The following CWC27 variants were observed in gnomAD, a reference collection of about 807,000 sequenced individuals.
CWC27 encodes CWC27 spliceosome associated cyclophilin, also known as spliceosome-associated protein CWC27 homolog.
CWC27 carries 47 observed loss-of-function variants against 63.6 expected under a neutral mutation model. The ratio of observed to expected loss-of-function variants is 0.74; its 90% confidence interval spans 0.58 to 0.94. The LOEUF (loss-of-function observed/expected upper bound fraction) is 0.94. CWC27 is among the 40% of genes least tolerant of loss of function. The pLI is 0.00. For synonymous variants in CWC27, 175 were observed against 179.8 expected (o/e 0.97, Z 0.22); for missense variants, 495 against 554.3 (o/e 0.89, Z 1.07).
chr5:65,004,909 T>TAC (rs61613608), intron 13 of CWC27, among the ~76,000 whole-genome samples: 8,020 of 64,602 alleles, frequency 0.12, 860 homozygotes, highest in Middle Eastern at 0.21. Context: ...TATATATACA[T>TAC]ACACACACAC....
At chr5:64,957,940 T>A (rs1459435534) in intron 11 of CWC27, among the ~76,000 whole-genome samples, 1 of 152,178 alleles carries the variant, frequency 6.6e-6, no homozygotes, top group Non-Finnish European at 1.5e-5. Flanking sequence ...ATTTTTAGTA[T>A]AATACTTTGT....
chr5:64,916,461 T>C (rs1269746923), intron 11 of CWC27, among the ~76,000 whole-genome samples: 1 of 152,132 alleles, frequency 6.6e-6, no homozygotes, highest in African/African-American at 2.4e-5. Flanking sequence ...AGCCATAGGA[T>C]GGGATACTTA....
chr5:64,856,462 G>GTGTGCA (rs1746261024), intron 10 of CWC27, among the ~76,000 whole-genome samples: 1 of 116,950 alleles, frequency 8.6e-6, no homozygotes, highest in South Asian at 2.7e-4. Flanking sequence ...GTGTATGTGT[G>GTGTGCA]TGTGTATGTG....
chr5:64,818,825 C>T (rs1179972699), intron 10 of CWC27, among the ~76,000 whole-genome samples: 2 of 152,162 alleles, frequency 1.3e-5, no homozygotes, highest in Non-Finnish European at 2.9e-5. Flanking sequence ...TGGCTTTATA[C>T]TCATTCTCAG....
At chr5:64,967,368 A>G (rs1302630513) in intron 11 of CWC27, among the ~76,000 whole-genome samples, 2 of 152,050 alleles carry the variant, frequency 1.3e-5, no homozygotes, top group Admixed American at 6.5e-5. Flanking sequence ...TAATTTATAC[A>G]TTCAATGCAG....
chr5:64,906,029 G>T (rs963234296), intron 11 of CWC27, among the ~76,000 whole-genome samples: 2 of 151,954 alleles, frequency 1.3e-5, no homozygotes, highest in Non-Finnish European at 2.9e-5. Context: ...TTATGGCTGC[G>T]TAGTATTCCA....
intron 11 of CWC27, among the ~76,000 whole-genome samples, chr5:64,905,801 T>C (rs1747624147): frequency 6.6e-6 from 1 of 152,116 alleles, no homozygotes; most frequent in Non-Finnish European, 1.5e-5. Context: ...TTATGTTAGA[T>C]ATTTCTCCTA....
intron 4 of CWC27, among the ~76,000 whole-genome samples, chr5:64,784,831 GC>G (rs1561404876): frequency 2.0e-5 from 3 of 152,184 alleles, no homozygotes; most frequent in Non-Finnish European, 4.4e-5. Context: ...ATTCTTTTGA[GC>G]CACTCCAGCA....
At chr5:64,774,057 G>T (rs879382338) in intron 1 of CWC27, among the ~76,000 whole-genome samples, 9 of 152,058 alleles carry the variant, frequency 5.9e-5, no homozygotes, top group Non-Finnish European at 1.3e-4. Flanking sequence ...AATTTAATGG[G>T]TTCATTATTC....
intron 11 of CWC27, among the ~76,000 whole-genome samples, chr5:64,891,530 AAAGT>A (rs1327351209): frequency 6.6e-6 from 1 of 152,230 alleles, no homozygotes; most frequent in Non-Finnish European, 1.5e-5. Context: ...ATCTTTTGGT[AAAGT>A]AAGAGATGAT....
At chr5:64,999,492 C>T (rs1749694073) in intron 13 of CWC27, among the ~76,000 whole-genome samples, 1 of 152,062 alleles carries the variant, frequency 6.6e-6, no homozygotes, top group Non-Finnish European at 1.5e-5. Flanking sequence ...ATCCTCTCCA[C>T]ACCACCCTTC....
Position 64,883,089 on chromosome 5 carries a change from G to A in CWC27, c.939-2354G>A, listed in dbSNP as rs777470053. Reference sequence around the variant, plus strand: ...TCATGGTGGAAGACATCTCTTCACAGGGTGACAGGAGAGAGAATGAGTGCC... The same window carrying A: ...TCATGGTGGAAGACATCTCTTCACAAGGTGACAGGAGAGAGAATGAGTGCC... On this transcript the variant is annotated intron_variant, in intron 10 of 13. Transcript: ENST00000381070. Among the ~76,000 whole-genome samples the A allele has an allele frequency of 7.2e-5, 11 of 152,150 alleles. 1 individual carries two copies. The South Asian group carries it at 1.0e-3, about 14-fold the overall frequency.
At chr5:64,825,730 G>T (rs922466792) in intron 10 of CWC27, among the ~76,000 whole-genome samples, 1 of 152,084 alleles carries the variant, frequency 6.6e-6, no homozygotes, top group African/African-American at 2.4e-5. Context: ...TGTTAGGATG[G>T]TTGGTTTTGT....
At chr5:64,875,849 G>A (rs1269244268) in intron 10 of CWC27, among the ~76,000 whole-genome samples, 1 of 152,080 alleles carries the variant, frequency 6.6e-6, no homozygotes, top group Non-Finnish European at 1.5e-5. Flanking sequence ...AGTGGTAGTG[G>A]TGGAGGTGAA....
At chr5:64,829,104 C>G (rs906092549) in intron 10 of CWC27, among the ~76,000 whole-genome samples, 2 of 152,146 alleles carry the variant, frequency 1.3e-5, no homozygotes, top group Non-Finnish European at 2.9e-5. Flanking sequence ...TGTATTATAA[C>G]AGGATAGTTA....
chr5:64,944,857 T>C (rs1273306667), intron 11 of CWC27, among the ~76,000 whole-genome samples: 3 of 152,182 alleles, frequency 2.0e-5, no homozygotes, highest in African/African-American at 7.2e-5. Flanking sequence ...TGGCAGATCT[T>C]GTCACTCTTT....
chr5:64,881,460 A>G (rs1226345896), intron 10 of CWC27, among the ~76,000 whole-genome samples: 1 of 152,156 alleles, frequency 6.6e-6, no homozygotes, highest in East Asian at 1.9e-4. Flanking sequence ...TTCATTTATA[A>G]TAAATAATAA....
chr5:64,825,279 A>G (rs991082212), intron 10 of CWC27, among the ~76,000 whole-genome samples: 2 of 152,118 alleles, frequency 1.3e-5, no homozygotes, highest in Non-Finnish European at 1.5e-5. Flanking sequence ...CTCTTCCCCA[A>G]CTATTTGACA....
chr5:64,951,074 T>C (rs1748698475), intron 11 of CWC27, among the ~76,000 whole-genome samples: 1 of 151,956 alleles, frequency 6.6e-6, no homozygotes. Flanking sequence ...AAAGCTGTTA[T>C]AGCACTAATT....
Sources: gnomAD v4.1 joint callset for allele counts (sites outside exome capture counted in the v4.1 genomes callset) on GRCh38, gnomAD v4.1.1 for gene constraint, MANE v1.5 for transcripts, NCBI Gene and HGNC (gene_info 2026-07-23, HGNC 2026-07-21) for gene names.